The following LARP1B variants were observed in gnomAD, a reference collection of about 807,000 sequenced individuals.
The protein encoded by LARP1B is La ribonucleoprotein 1B, also known as la-related protein 1B.
In LARP1B, 76 loss-of-function variants were observed where a neutral mutation model predicts 114.2. That is an observed-to-expected ratio of 0.67 (90% confidence interval 0.55 to 0.81). LARP1B has a LOEUF of 0.81. LARP1B is among the 30% of genes least tolerant of loss of function. The probability of loss-of-function intolerance (pLI) is 0.00; values close to 1 mark genes in which losing one functional copy is unlikely to be tolerated. For missense variants in LARP1B, 1,014 were observed against 1,075.8 expected (o/e 0.94, Z 0.80); for synonymous variants, 345 against 348.0 (o/e 0.99, Z 0.10).
At chr4:128,104,574 A>C (rs1781425594) in intron 8 of LARP1B, among the ~76,000 whole-genome samples, 1 of 152,080 alleles carries the variant, frequency 6.6e-6, no homozygotes, top group East Asian at 1.9e-4. Context: ...CCTCCCGAGT[A>C]GCTGGGATTA....
chr4:128,176,821 G>T, intron 12 of LARP1B, 51 bp from the exon 13 acceptor site: 1 of 1,524,746 alleles, frequency 6.6e-7, no homozygotes, highest in African/African-American at 1.4e-5. Flanking sequence ...AACAATAAAT[G>T]GATAAAATGC....
At chr4:128,159,150 G>C (rs938993405) in intron 11 of LARP1B, among the ~76,000 whole-genome samples, 2 of 151,156 alleles carry the variant, frequency 1.3e-5, no homozygotes, top group Admixed American at 1.3e-4. Flanking sequence ...TCCAGTCTGG[G>C]CAACAGAGCA....
At chr4:128,181,827 AC>A (rs1748519494) in intron 15 of LARP1B, among the ~76,000 whole-genome samples, 1 of 114,052 alleles carries the variant, frequency 8.8e-6, no homozygotes, top group Admixed American at 1.1e-4. Context: ...TTTTTTTGAG[AC>A]GAAGTCTCGC....
chr4:128,134,555 A>G (rs187565056), intron 11 of LARP1B, among the ~76,000 whole-genome samples: 1 of 152,340 alleles, frequency 6.6e-6, no homozygotes, highest in Admixed American at 6.5e-5. Context: ...TTTCTTGGAT[A>G]TCACACTAAA....
chr4:128,111,268 G>T (rs1166979658), intron 9 of LARP1B, among the ~76,000 whole-genome samples: 1 of 151,940 alleles, frequency 6.6e-6, no homozygotes, highest in East Asian at 1.9e-4. Flanking sequence ...GGCTGGTCTC[G>T]AACTCCTGAC....
At chr4:128,182,514 A>C (rs1332671267) in intron 15 of LARP1B, among the ~76,000 whole-genome samples, 1 of 152,164 alleles carries the variant, frequency 6.6e-6, no homozygotes, top group Non-Finnish European at 1.5e-5. Flanking sequence ...CAGTGAACTT[A>C]ATAAATATTG....
At chr4:128,181,693 AG>A (rs1748445904) in intron 15 of LARP1B, among the ~76,000 whole-genome samples, 1 of 151,680 alleles carries the variant, frequency 6.6e-6, no homozygotes, top group Non-Finnish European at 1.5e-5. Flanking sequence ...CCCTGTGTTG[AG>A]CAAGTTTATC....
Position 128,209,986 on chromosome 4 carries a change from A to G in LARP1B, c.2678A>G (p.Glu893Gly). 1 of 1,614,084 alleles carries G rather than the reference A, an allele frequency of 6.2e-7. No individual in the cohort carries two copies. The highest frequency in any genetic ancestry group is 8.5e-7 in the Non-Finnish European group (1 of 1,179,942). The change falls in exon 20 of 20, where the codon GAG (glutamate) becomes GGG (glycine). Residue 893 changes from glutamate (E) to glycine (G), a missense_variant. Glu to Gly is a moderately conservative substitution (Grantham distance 98, BLOSUM62 -2). Coordinates refer to ENST00000326639, the MANE Select transcript of LARP1B (RefSeq NM_018078.4). ...PNAAKPTSTS[E>G]LQVPINSPRR... ...GCTGCTAAACCTACATCTACCAGTGAGCTTCAGGTACCAATAAACTCTCCC... is the reference window on the plus strand; with the variant it reads ...GCTGCTAAACCTACATCTACCAGTGGGCTTCAGGTACCAATAAACTCTCCC...
At chr4:128,183,903 G>A (rs933716177) in intron 15 of LARP1B, among the ~76,000 whole-genome samples, 5 of 152,198 alleles carry the variant, frequency 3.3e-5, no homozygotes, top group Non-Finnish European at 7.3e-5. Flanking sequence ...GACTTCAGTG[G>A]AGGATTTAAT....
intron 8 of LARP1B, 32 bp from the exon 9 acceptor site, chr4:128,107,107 C>T (rs1359379236): frequency 3.2e-6 from 5 of 1,571,588 alleles, no homozygotes; most frequent in Non-Finnish European, 4.4e-6. Context: ...TGAAATAGCT[C>T]ATAATTTTAA....
chr4:128,125,679 G>A (rs1789342390), intron 11 of LARP1B, among the ~76,000 whole-genome samples: 2 of 152,228 alleles, frequency 1.3e-5, no homozygotes, highest in South Asian at 4.1e-4. Context: ...CCGGGAGGTG[G>A]AGGTTGCAGT....
intron 1 of LARP1B, among the ~76,000 whole-genome samples, chr4:128,065,258 TTTCTTTC>T: frequency 2.2e-5 from 1 of 46,490 alleles, no homozygotes; most frequent in South Asian, 9.7e-4. Context: ...AATTAATTTC[TTTCTTTC>T]TTTCTTTCTT....
In LARP1B at chr4:128,166,970, C is replaced by CTCTA. The variant is rs1189451874; in HGVS notation, c.1648+4654_1648+4655insCTAT. ...TCTCTCTCTCTCTCTCTCTCTCTCT[C>CTCTA]TATATATATATATATATATATATAC... On this transcript the variant is annotated intron_variant, in intron 12 of 19. Transcript: ENST00000326639. 2.9e-3 allele frequency among the ~76,000 whole-genome samples: 222 copies of CTCTA among 77,762 alleles called. 1 individual carries two copies. The highest frequency in any genetic ancestry group is 0.016 in the Middle Eastern group (2 of 122). 51.0% of individuals were successfully genotyped at this position (77,762 alleles called of 152,430 possible).
At position 128,184,149 on chromosome 4, in the gene LARP1B, G is replaced by A. The variant is rs1241813133; in HGVS notation, c.2003+4637G>A. Among the ~76,000 whole-genome samples the A allele has an allele frequency of 3.3e-5, 5 of 152,274 alleles. No individual in the cohort carries two copies. The East Asian group carries it at 9.6e-4, about 29-fold the overall frequency. On this transcript the variant is annotated intron_variant, in intron 15 of 19. Transcript: ENST00000326639. The stretch of plus-strand genomic sequence containing the variant: ...TATAAAGCAGTGGCAGGGTTTGAGA[G>A]GACTGACTCCAATTTTCAAAGGAGT...
At chr4:128,194,424 T>C (rs560920278) in intron 15 of LARP1B, among the ~76,000 whole-genome samples, 85 of 151,910 alleles carry the variant, frequency 5.6e-4, no homozygotes, top group African/African-American at 1.9e-3. Context: ...GGCTCACGCC[T>C]GTAATCCCAG....
At chr4:128,152,395 G>A (rs1234533470) in intron 11 of LARP1B, among the ~76,000 whole-genome samples, 3 of 151,720 alleles carry the variant, frequency 2.0e-5, no homozygotes, top group Non-Finnish European at 4.4e-5. Flanking sequence ...GTAGAGACGA[G>A]GTTTCACCAT....
At chr4:128,129,348 CAAAA>C (rs71587364) in intron 11 of LARP1B, among the ~76,000 whole-genome samples, 17 of 110,038 alleles carry the variant, frequency 1.5e-4, no homozygotes, top group Non-Finnish European at 2.1e-4. Flanking sequence ...GACTCCGTCT[CAAAA>C]AAAAAAAAAA....
intron 7 of LARP1B, chr4:128,092,983 G>T: frequency 1.0e-6 from 1 of 985,434 alleles, no homozygotes; most frequent in Non-Finnish European, 1.2e-6. Flanking sequence ...AGCTACTTCA[G>T]TGTTGACAAA....
intron 1 of LARP1B, among the ~76,000 whole-genome samples, chr4:128,068,808 C>G (rs1464946483): frequency 6.6e-6 from 1 of 151,844 alleles, no homozygotes; most frequent in Admixed American, 6.6e-5. Flanking sequence ...CAAGATAAAG[C>G]AAAGACAAAA....
Sources: allele counts gnomAD v4.1 joint callset (sites outside exome capture counted in the v4.1 genomes callset), GRCh38; gene constraint gnomAD v4.1.1; transcripts MANE v1.5; gene names NCBI Gene and HGNC (gene_info 2026-07-23, HGNC 2026-07-21).